The following LINGO2 variants were observed in gnomAD, a reference collection of about 807,000 sequenced individuals.
LINGO2 encodes the protein leucine rich repeat and Ig domain containing 2, also known as leucine-rich repeat and immunoglobulin-like domain-containing nogo receptor-interacting protein 2.
A neutral mutation model predicts 30.6 loss-of-function variants in LINGO2; 14 were observed. The observed-to-expected ratio is 0.46, with a 90% confidence interval of 0.30 to 0.72. The LOEUF (loss-of-function observed/expected upper bound fraction) is 0.72. Among genes scored for constraint, LINGO2 ranks in the 30% least tolerant of loss-of-function variants. The probability of loss-of-function intolerance (pLI) is 0.07; values close to 1 mark genes in which losing one functional copy is unlikely to be tolerated. For synonymous variants in LINGO2, 317 were observed against 288.5 expected, an observed-to-expected ratio of 1.10 and a Z score of -1.00; for missense variants, 729 against 751.7, an observed-to-expected ratio of 0.97 and a Z score of 0.35.
the LINGO2 span, among the ~76,000 whole-genome samples, chr9:28,769,681 C>CT: frequency 0.086 from 11,981 of 139,576 alleles, 541 homozygotes; most frequent in African/African-American, 0.1. Context: ...TTTTCAGGAA[C>CT]TTTTTTTTTT....
chr9:28,594,012 A>C (rs1027417225), intron 1 of LINGO2, among the ~76,000 whole-genome samples: 2 of 152,086 alleles, frequency 1.3e-5, no homozygotes, highest in African/African-American at 4.8e-5. Context: ...AAAAAAAAGA[A>C]TAGGTAATAA....
chr9:27,983,489 G>T (rs1002322756), intron 5 of LINGO2, among the ~76,000 whole-genome samples: 1 of 151,818 alleles, frequency 6.6e-6, no homozygotes, highest in Non-Finnish European at 1.5e-5. Flanking sequence ...CATGTACCAG[G>T]ACCCTGTTGG....
At chr9:28,956,801 T>A in the LINGO2 span, among the ~76,000 whole-genome samples, 1 of 143,450 alleles carries the variant, frequency 7.0e-6, no homozygotes, top group Non-Finnish European at 1.5e-5. Flanking sequence ...TCCTCTTCTT[T>A]CCTTGTCATT....
rs553116850 is a variant in LINGO2, at chr9:28,286,459, G to A, written c.-87+8749C>T. 2.0e-5 allele frequency among the ~76,000 whole-genome samples: 3 copies of A among 152,254 alleles called. No homozygotes were observed. The South Asian group carries it at 6.2e-4, about 32-fold the overall frequency. Reference sequence around the variant, plus strand: ...TTCAACCCAGCAATCCCATTACTGGGTATACACCTAAAGGAATATAAATCA... The same window carrying A: ...TTCAACCCAGCAATCCCATTACTGGATATACACCTAAAGGAATATAAATCA... On this transcript the variant is annotated intron_variant, in intron 4 of 5. Transcript: ENST00000379992.
chr9:28,674,026 TA>T (rs912551266), upstream of LINGO2, among the ~76,000 whole-genome samples: 22 of 150,498 alleles, frequency 1.5e-4, no homozygotes, highest in Admixed American at 7.3e-4. Context: ...TAAACCTAAT[TA>T]AAAAAAAATA....
chr9:29,036,958 G>T, the LINGO2 span, among the ~76,000 whole-genome samples: 1 of 151,776 alleles, frequency 6.6e-6, no homozygotes, highest in African/African-American at 2.4e-5. Context: ...TAACAAAAAA[G>T]ATTTGTTATA....
intron 3 of LINGO2, among the ~76,000 whole-genome samples, chr9:28,345,722 T>C (rs1009226523): frequency 3.3e-5 from 5 of 152,186 alleles, no homozygotes; most frequent in African/African-American, 1.2e-4. Flanking sequence ...TTCTTGACTC[T>C]CATTGTGATA....
chr9:28,120,053 T>C (rs1001191439), intron 4 of LINGO2, among the ~76,000 whole-genome samples: 5 of 152,182 alleles, frequency 3.3e-5, no homozygotes, highest in Admixed American at 6.5e-5. Context: ...TAAATTTCAA[T>C]TGGGAACGGC....
At chr9:28,287,865 T>A (rs1265702075) in intron 4 of LINGO2, among the ~76,000 whole-genome samples, 2 of 152,176 alleles carry the variant, frequency 1.3e-5, no homozygotes, top group East Asian at 3.8e-4. Flanking sequence ...ATCCTTTGTA[T>A]GAAGGGTTTT....
At chr9:28,961,139 T>C in the LINGO2 span, among the ~76,000 whole-genome samples, 1 of 152,164 alleles carries the variant, frequency 6.6e-6, no homozygotes, top group Admixed American at 6.6e-5. Flanking sequence ...TTTGGAATAA[T>C]TGGAATAGGC....
At chr9:29,199,440 T>C in the LINGO2 span, among the ~76,000 whole-genome samples, 3 of 152,056 alleles carry the variant, frequency 2.0e-5, no homozygotes, top group East Asian at 5.8e-4. Context: ...AGGGGAAGTT[T>C]ATCCAGGGTT....
the LINGO2 span, among the ~76,000 whole-genome samples, chr9:29,056,605 C>G: frequency 1.3e-5 from 2 of 152,024 alleles, no homozygotes; most frequent in Non-Finnish European, 2.9e-5. Flanking sequence ...AAGTCTCATC[C>G]TTTTATCTTT....
chr9:28,613,909 A>G (rs182795491), intron 1 of LINGO2, among the ~76,000 whole-genome samples: 3 of 152,194 alleles, frequency 2.0e-5, no homozygotes, highest in East Asian at 1.9e-4. Flanking sequence ...TTAAAAATGA[A>G]TGGATACCCA....
At chr9:28,048,333 A>G (rs1460625647) in intron 4 of LINGO2, among the ~76,000 whole-genome samples, 3 of 150,972 alleles carry the variant, frequency 2.0e-5, no homozygotes, top group African/African-American at 4.9e-5. Flanking sequence ...TTGTATAACA[A>G]TAACTAAAAT....
chr9:28,358,252 G>A (rs1386765295), intron 3 of LINGO2, among the ~76,000 whole-genome samples: 1 of 151,888 alleles, frequency 6.6e-6, no homozygotes. Context: ...TCCAATTCTA[G>A]ATGGGAAAAC....
chr9:28,525,894 G>A (rs970405388), intron 1 of LINGO2, among the ~76,000 whole-genome samples: 20 of 151,560 alleles, frequency 1.3e-4, no homozygotes, highest in Middle Eastern at 6.8e-3. Flanking sequence ...TCTCTACTAA[G>A]AATACAAAAA....
chr9:28,094,151 T>C (rs538183957), intron 4 of LINGO2, among the ~76,000 whole-genome samples: 1 of 152,216 alleles, frequency 6.6e-6, no homozygotes, highest in South Asian at 2.1e-4. Flanking sequence ...AAATGTGGTA[T>C]AATGAGGGTA....
intron 4 of LINGO2, among the ~76,000 whole-genome samples, chr9:28,106,691 T>G (rs1191834584): frequency 6.6e-6 from 1 of 152,180 alleles, no homozygotes; most frequent in African/African-American, 2.4e-5. Context: ...CACAGTGTTT[T>G]AAAATCCTAC....
rs1554637723 is a variant in LINGO2 at position 28,561,749 on chromosome 9, G to GTATATATA, written c.-364-85732_-364-85725dup. 1.4e-3 allele frequency among the ~76,000 whole-genome samples: 70 copies of GTATATATA among 48,710 alleles called. 6 individuals carry two copies. The highest frequency in any genetic ancestry group is 3.9e-3 in the African/African-American group (37 of 9,386). 32.0% of individuals were successfully genotyped at this position (48,710 alleles called of 152,430 possible). On this transcript the variant is annotated intron_variant, in intron 1 of 5. Transcript: ENST00000379992. ...TATATATAATTTTGTGTGTGTGTGTGTATATATATATATATATATATATAT... is the reference window on the plus strand; with the variant it reads ...TATATATAATTTTGTGTGTGTGTGTGTATATATATATATATATATATATATATATATAT...
Sources: allele counts gnomAD v4.1 joint callset (sites outside exome capture counted in the v4.1 genomes callset), GRCh38; gene constraint gnomAD v4.1.1; transcripts MANE v1.5; gene names NCBI Gene and HGNC (gene_info 2026-07-23, HGNC 2026-07-21).